REV3L: variants seen among roughly 807,000 people sequenced by gnomAD.
The protein encoded by REV3L is DNA polymerase zeta catalytic subunit.
Under a neutral mutation model 299.4 loss-of-function variants are expected in REV3L, and 69 were observed. That is an observed-to-expected ratio of 0.23 (90% CI 0.19 to 0.28). The LOEUF (loss-of-function observed/expected upper bound fraction) is 0.28, where lower values mean the gene tolerates loss of function less well. Among genes scored for constraint, REV3L ranks in the 10% least tolerant of loss-of-function variants. The probability of loss-of-function intolerance (pLI) is 1.00; values close to 1 mark genes in which losing one functional copy is unlikely to be tolerated. For synonymous variants in REV3L, 1,238 were observed against 1,271.4 expected (o/e 0.97, Z 0.56); for missense variants, 3,128 against 3,693.8 (o/e 0.85, Z 3.97).
At chr6:111,410,793 A>G (rs1036121536) in intron 3 of REV3L, among the ~76,000 whole-genome samples, 2 of 152,132 alleles carry the variant, frequency 1.3e-5, no homozygotes, top group African/African-American at 4.8e-5. Flanking sequence ...CAAAAAAGTT[A>G]CTTTTTGGAA....
At position 111,372,975 on chromosome 6, in the gene REV3L, T is replaced by G; in HGVS notation, c.5380A>C (p.Asn1794His). The G allele has an allele frequency of 6.2e-7, 1 of 1,614,174 alleles. No individual in the cohort carries two copies. The highest frequency in any genetic ancestry group is 8.5e-7 in the Non-Finnish European group (1 of 1,180,016). The change falls in exon 13 of 32, where the codon AAC becomes CAC. Residue 1794 changes from asparagine to histidine, a missense_variant. Coordinates refer to ENST00000368802, the MANE Select transcript of REV3L (RefSeq NM_001372078.1). ...TGACCTTGAATCCAGTCTGAATTGTTTGGCTGTGGGAGGCTAAGAAACACT... is the reference window on the plus strand; with the variant it reads ...TGACCTTGAATCCAGTCTGAATTGTGTGGCTGTGGGAGGCTAAGAAACACT... ...KEVFLSLPQPNNSDWIQGHTR... is the reference protein window; with the variant it reads ...KEVFLSLPQPHNSDWIQGHTR...
At chr6:111,444,582 CAGAAAAGGA>C (rs1488789130) in intron 1 of REV3L, among the ~76,000 whole-genome samples, 1 of 152,104 alleles carries the variant, frequency 6.6e-6, no homozygotes, top group Non-Finnish European at 1.5e-5. Flanking sequence ...GCCATTTCCA[CAGAAAAGGA>C]AGAAAAGGAA....
At chr6:111,344,591 T>C (rs1053502902) in intron 20 of REV3L, among the ~76,000 whole-genome samples, 2 of 152,152 alleles carry the variant, frequency 1.3e-5, no homozygotes, top group Admixed American at 1.3e-4. Flanking sequence ...CTCCCCATGT[T>C]CCAAATACGT....
intron 13 of REV3L, among the ~76,000 whole-genome samples, chr6:111,368,429 G>A (rs459048): frequency 0.056 from 8,526 of 152,060 alleles, 273 homozygotes; most frequent in Middle Eastern, 0.085. Flanking sequence ...CTATGTCCCT[G>A]GATATTATTC....
intron 15 of REV3L, 53 bp from the exon 16 acceptor site, chr6:111,364,031 A>G: frequency 6.4e-7 from 1 of 1,562,360 alleles, no homozygotes; most frequent in Admixed American, 2.0e-5. Context: ...ATGAGCAATC[A>G]TTTTTCTTTT....
intron 4 of REV3L, among the ~76,000 whole-genome samples, chr6:111,393,424 T>C (rs561354855): frequency 1.1e-3 from 164 of 152,320 alleles, no homozygotes; most frequent in African/African-American, 3.8e-3. Flanking sequence ...TTTTCATACA[T>C]GCATACAATC....
intron 21 of REV3L, among the ~76,000 whole-genome samples, chr6:111,338,312 CTTTTTTTTTTTTTTTTTTTTTTTTTTTT>C (rs144497761): frequency 3.5e-4 from 17 of 47,940 alleles, no homozygotes; most frequent in Admixed American, 8.9e-4. Context: ...GTCTAAAGTC[CTTTTTTTTTTTTTTTTTTTTTTTTTTTT>C]TTTTTTTTTT....
chr6:111,399,186 T>C (rs1045662770), intron 4 of REV3L, among the ~76,000 whole-genome samples: 3 of 152,224 alleles, frequency 2.0e-5, no homozygotes, highest in African/African-American at 7.2e-5. Context: ...CTAATGTATA[T>C]ACTCTAGAAA....
chr6:111,326,814 A>C (rs1370567088), intron 25 of REV3L, among the ~76,000 whole-genome samples: 1 of 152,242 alleles, frequency 6.6e-6, no homozygotes, highest in Non-Finnish European at 1.5e-5. Flanking sequence ...CTTTAAAAAA[A>C]AAAAAAGTGG....
intron 24 of REV3L, among the ~76,000 whole-genome samples, chr6:111,330,527 T>C (rs932629774): frequency 6.6e-6 from 1 of 152,138 alleles, no homozygotes; most frequent in Non-Finnish European, 1.5e-5. Context: ...TTCACACACC[T>C]GAATATTTAA....
At chr6:111,475,282 T>C (rs985914366) in intron 1 of REV3L, among the ~76,000 whole-genome samples, 3 of 152,196 alleles carry the variant, frequency 2.0e-5, no homozygotes, top group Non-Finnish European at 4.4e-5. Context: ...GTTTAGCATG[T>C]TTCCAATCTT....
At chr6:111,403,251 G>T (rs1190771500) in intron 4 of REV3L, among the ~76,000 whole-genome samples, 1 of 152,168 alleles carries the variant, frequency 6.6e-6, no homozygotes. Flanking sequence ...AAGCTTGGGG[G>T]TGACTGCTAC....
chr6:111,367,316 C>G lies in REV3L; in HGVS notation c.6472G>C (p.Glu2158Gln). 6.2e-7 allele frequency: 1 copy of G among 1,608,336 alleles called. No individual in the cohort carries two copies. The stretch of plus-strand genomic sequence containing the variant: ...TCTTTTATTGGCTTTAAGAAGTTCT[C>G]AAAAGCCAATGAAGGCAGCTCCTCT... Reference protein sequence around the residue: ...PVEELPSLAFENFLKPIKDGI... With the variant: ...PVEELPSLAFQNFLKPIKDGI... The change falls in exon 14 of 32, where the codon GAG becomes CAG. Residue 2158 changes from glutamate (E) to glutamine (Q), a missense_variant. Transcript: ENST00000368802.
Position 111,375,871 on chromosome 6 carries a change from G to T in REV3L, c.2484C>A (p.Ser828=), listed in dbSNP as rs1165842834. Residue 828 remains serine (S), a synonymous_variant, in exon 13 of 32, where the codon TCC becomes TCA. Coordinates refer to ENST00000368802, the MANE Select transcript of REV3L (RefSeq NM_001372078.1). ...TYKLQPGNKP[S]RLKLNKRKLA... ...GTTTCCTTTTATTCAATTTTAACCGGGATGGTTTATTGCCAGGTTGTAATT... is the reference window on the plus strand; with the variant it reads ...GTTTCCTTTTATTCAATTTTAACCGTGATGGTTTATTGCCAGGTTGTAATT... The T allele has an allele frequency of 1.1e-5, 17 of 1,613,844 alleles. No homozygotes were observed. Among genetic ancestry groups the T allele is most frequent in the Non-Finnish European group, 1.4e-5 (17 of 1,179,886 alleles).
At chr6:111,457,512 C>G (rs1370650922) in intron 1 of REV3L, among the ~76,000 whole-genome samples, 1 of 151,754 alleles carries the variant, frequency 6.6e-6, no homozygotes, top group East Asian at 1.9e-4. Context: ...TACTAATAAT[C>G]TGAAGGATCT....
At chr6:111,458,129 G>C (rs1053903444) in intron 1 of REV3L, among the ~76,000 whole-genome samples, 3 of 152,030 alleles carry the variant, frequency 2.0e-5, no homozygotes, top group African/African-American at 7.2e-5. Flanking sequence ...ATGCAAGGTT[G>C]GTTCAACATA....
chr6:111,392,060 A>G (rs1461046444), intron 5 of REV3L, among the ~76,000 whole-genome samples: 1 of 152,250 alleles, frequency 6.6e-6, no homozygotes, highest in African/African-American at 2.4e-5. Flanking sequence ...AAATTTAAAA[A>G]TGTTTATGAT....
chr6:111,318,731 C>T (rs138690116), intron 26 of REV3L, among the ~76,000 whole-genome samples: 1,833 of 151,912 alleles, frequency 0.012, 22 homozygotes, highest in African/African-American at 0.035. Flanking sequence ...CGACCACGCC[C>T]GGCTAATTTT....
intron 1 of REV3L, among the ~76,000 whole-genome samples, chr6:111,480,350 A>T (rs1290660138): frequency 6.6e-6 from 1 of 152,208 alleles, no homozygotes; most frequent in Non-Finnish European, 1.5e-5. Flanking sequence ...TTACTTTCAA[A>T]TAAATCTGTC....
Sources: allele counts gnomAD v4.1 joint callset (sites outside exome capture counted in the v4.1 genomes callset), GRCh38; gene constraint gnomAD v4.1.1; transcripts MANE v1.5; gene names NCBI Gene and HGNC (gene_info 2026-07-23, HGNC 2026-07-21).